The following DNAJC10 variants were observed in gnomAD, a reference collection of about 807,000 sequenced individuals.
DNAJC10 encodes DnaJ heat shock protein family (Hsp40) member C10, also known as endoplasmic reticulum disulfide reductase DNAJC10.
A neutral mutation model predicts 115.0 loss-of-function variants in DNAJC10; 101 were observed. That is an observed-to-expected ratio of 0.88 (90% CI 0.75 to 1.04). DNAJC10 has a LOEUF of 1.04. Ranked by LOEUF, DNAJC10 falls within the 50% of genes least tolerant of loss-of-function variation. DNAJC10 has a pLI of 0.00. For synonymous variants in DNAJC10, 307 were observed against 301.5 expected, an observed-to-expected ratio of 1.02 and a Z score of -0.19; for missense variants, 981 against 928.8, an observed-to-expected ratio of 1.06 and a Z score of -0.73.
rs944382429 is a variant in DNAJC10 at position 182,781,482 on chromosome 2, A to G, written c.*4350A>G. 6 of 152,288 alleles carry G rather than the reference A, an allele frequency of 3.9e-5. No individual in the cohort carries two copies. In the East Asian group the frequency reaches 1.2e-3, roughly 29 times the overall value. 9.4% of individuals were successfully genotyped at this position (152,288 alleles called of 1,614,324 possible). On this transcript the variant is annotated 3_prime_UTR_variant, in exon 24 of 24. Coordinates refer to ENST00000264065, the MANE Select transcript of DNAJC10 (RefSeq NM_018981.4). Reference sequence around the variant, plus strand: ...ATAATCCTTTAGGTATATACCCAGTAACGGGATTGCTGGGTCAAATGGTAT... The same window carrying G: ...ATAATCCTTTAGGTATATACCCAGTGACGGGATTGCTGGGTCAAATGGTAT...
chr2:182,738,974 A>C (rs985356835), intron 11 of DNAJC10, among the ~76,000 whole-genome samples: 1 of 151,996 alleles, frequency 6.6e-6, no homozygotes, highest in African/African-American at 2.4e-5. Flanking sequence ...ACAGGTTTAT[A>C]ATGAGATTCT....
intron 17 of DNAJC10, among the ~76,000 whole-genome samples, chr2:182,755,817 C>T (rs1051268388): frequency 6.6e-6 from 1 of 152,160 alleles, no homozygotes; most frequent in Non-Finnish European, 1.5e-5. Flanking sequence ...CCTCTGTAGA[C>T]ATCCAGGCAG....
chr2:182,735,330 T>C (rs950147026), intron 10 of DNAJC10, among the ~76,000 whole-genome samples: 3 of 151,990 alleles, frequency 2.0e-5, no homozygotes, highest in South Asian at 2.1e-4. Flanking sequence ...TAATCAAATA[T>C]GTTTTTTTCT....
Position 182,778,590 on chromosome 2 carries a change from AG to A in DNAJC10, c.*1459del, listed in dbSNP as rs1306733906. 1 of 150,620 alleles carries A rather than the reference AG, an allele frequency of 6.6e-6. No individual in the cohort carries two copies. The highest frequency in any genetic ancestry group is 2.5e-5 in the African/African-American group (1 of 40,814). 9.3% of individuals were successfully genotyped at this position (150,620 alleles called of 1,614,324 possible). A position where few individuals can be genotyped will look rare whatever the true frequency, so the allele number is the denominator to read the frequency against. On this transcript the variant is annotated 3_prime_UTR_variant, in exon 24 of 24. Coordinates refer to ENST00000264065, the MANE Select transcript of DNAJC10 (RefSeq NM_018981.4). The stretch of plus-strand genomic sequence containing the variant: ...TCAATATCACTTTATCCTGCTCACC[AG>A]TATTTCCTCATAAGGGTTATTATAG...
chr2:182,740,523 A>C, intron 12 of DNAJC10, 135 bp downstream of exon 12: 1 of 784,436 alleles, frequency 1.3e-6, no homozygotes. Context: ...ATTATATATT[A>C]GTCAATTGTA....
chr2:182,737,924 G>T (rs1693627928), intron 11 of DNAJC10, among the ~76,000 whole-genome samples: 1 of 152,128 alleles, frequency 6.6e-6, no homozygotes, highest in Non-Finnish European at 1.5e-5. Context: ...ATGGATGGAT[G>T]GATACAGATA....
At chr2:182,751,612 C>T in intron 14 of DNAJC10, 46 bp from the exon 15 acceptor site, 1 of 1,595,098 alleles carries the variant, frequency 6.3e-7, no homozygotes, top group South Asian at 1.1e-5. Context: ...TCTGTGCATA[C>T]AAAAAGCAGA....
At chr2:182,757,398 C>A (rs904168594) in intron 18 of DNAJC10, among the ~76,000 whole-genome samples, 14 of 152,248 alleles carry the variant, frequency 9.2e-5, no homozygotes, top group African/African-American at 3.4e-4. Flanking sequence ...CAAAGACTTT[C>A]ATTAGTTTCT....
chr2:182,789,914 T>TA lies in DNAJC10; in HGVS notation c.*12785dup, dbSNP rs1695019585. On this transcript the variant is annotated 3_prime_UTR_variant, in exon 24 of 24. Transcript: ENST00000264065. Reference sequence around the variant, plus strand: ...TTTTGATTTGTACTTTTAGAGTCTTTAAATTATTACTTTTTCCATATCAAA... The same window carrying TA: ...TTTTGATTTGTACTTTTAGAGTCTTTAAAATTATTACTTTTTCCATATCAAA... The TA allele has an allele frequency of 1.3e-5, 2 of 152,216 alleles. No homozygotes were observed. Among genetic ancestry groups the TA allele is most frequent in the Non-Finnish European group, 2.9e-5 (2 of 68,034 alleles). The allele number at this position is 152,216 out of a possible 1,614,324, so 9.4% of individuals were successfully genotyped here.
At chr2:182,752,608 G>T in intron 16 of DNAJC10, 1 of 920,722 alleles carries the variant, frequency 1.1e-6, no homozygotes, top group Non-Finnish European at 1.3e-6. Flanking sequence ...TTGTTTAAAT[G>T]AAATTATTTT....
In DNAJC10 at chr2:182,778,625, A is replaced by C. The variant is rs1694770752; in HGVS notation, c.*1493A>C. 6.6e-6 allele frequency: 1 copy of C among 152,176 alleles called. No individual in the cohort carries two copies. The highest frequency in any genetic ancestry group is 1.5e-5 in the Non-Finnish European group (1 of 68,034). The allele number at this position is 152,176 out of a possible 1,614,324, so 9.4% of individuals were successfully genotyped here. Reference sequence around the variant, plus strand: ...CATAAGGGTTATTATAGCCATAATTAATGTTAAAATAGACTTTGTTCTTCA... The same window carrying C: ...CATAAGGGTTATTATAGCCATAATTCATGTTAAAATAGACTTTGTTCTTCA... On this transcript the variant is annotated 3_prime_UTR_variant, in exon 24 of 24. Transcript: ENST00000264065.
chr2:182,754,214 T>A (rs201325719), intron 16 of DNAJC10, among the ~76,000 whole-genome samples: 2 of 152,226 alleles, frequency 1.3e-5, no homozygotes, highest in Non-Finnish European at 1.5e-5. Context: ...AGTGAATTAT[T>A]TGAATTTGCA....
chr2:182,784,517 A>G lies in DNAJC10; in HGVS notation c.*7385A>G, dbSNP rs959441088. 2.6e-5 allele frequency: 4 copies of G among 152,172 alleles called. No homozygotes were observed. Among genetic ancestry groups the G allele is most frequent in the Admixed American group, 6.5e-5 (1 of 15,290 alleles). 9.4% of individuals were successfully genotyped at this position (152,172 alleles called of 1,614,324 possible). On this transcript the variant is annotated 3_prime_UTR_variant, in exon 24 of 24. Coordinates refer to ENST00000264065, the MANE Select transcript of DNAJC10 (RefSeq NM_018981.4). Reference sequence around the variant, plus strand: ...AGCACAGTGTGTATTTCAATTGACAAACAGCCAGAAGTATTATACTGTTGA... The same window carrying G: ...AGCACAGTGTGTATTTCAATTGACAGACAGCCAGAAGTATTATACTGTTGA...
chr2:182,719,456 T>C (rs1364380618), intron 3 of DNAJC10, among the ~76,000 whole-genome samples: 2 of 151,932 alleles, frequency 1.3e-5, no homozygotes, highest in Non-Finnish European at 2.9e-5. Flanking sequence ...GGCTTCACCA[T>C]GTTGGCCAGG....
At chr2:182,751,364 G>C (rs1463907535) in intron 14 of DNAJC10, among the ~76,000 whole-genome samples, 2 of 151,966 alleles carry the variant, frequency 1.3e-5, no homozygotes, top group African/African-American at 2.4e-5. Flanking sequence ...TCGATCTCTT[G>C]ACCTCGTGAT....
chr2:182,788,918 A>G lies in DNAJC10; in HGVS notation c.*11786A>G, dbSNP rs530837580. The G allele has an allele frequency of 4.7e-6, 2 of 425,010 alleles. No individual in the cohort carries two copies. Among genetic ancestry groups the G allele is most frequent in the African/African-American group, 4.2e-5 (2 of 48,192 alleles). The allele number at this position is 425,010 out of a possible 1,614,324, so 26.3% of individuals were successfully genotyped here. Reference sequence around the variant, plus strand: ...CTTTTAGAGTTTTTTAAATTGTGATAAAGTACATGTAACAAAATTTATTAA... The same window carrying G: ...CTTTTAGAGTTTTTTAAATTGTGATGAAGTACATGTAACAAAATTTATTAA... On this transcript the variant is annotated 3_prime_UTR_variant, in exon 24 of 24. Transcript: ENST00000264065.
In DNAJC10 at chr2:182,786,412, G is replaced by C. The variant is rs1694947860; in HGVS notation, c.*9280G>C. On this transcript the variant is annotated 3_prime_UTR_variant, in exon 24 of 24. Coordinates refer to ENST00000264065, the MANE Select transcript of DNAJC10 (RefSeq NM_018981.4). ...CAATATACTGGAAAATTGTAATCCT[G>C]TTCCCTTCACTGAGGTCATAATACT... 1 of 152,100 alleles carries C rather than the reference G, an allele frequency of 6.6e-6. No individual in the cohort carries two copies. The highest frequency in any genetic ancestry group is 2.4e-5 in the African/African-American group (1 of 41,418). The allele number at this position is 152,100 out of a possible 1,614,324, so 9.4% of individuals were successfully genotyped here.
intron 10 of DNAJC10, among the ~76,000 whole-genome samples, chr2:182,733,294 T>C (rs1179745840): frequency 6.6e-6 from 1 of 151,998 alleles, no homozygotes; most frequent in African/African-American, 2.4e-5. Context: ...TGGATTTGTT[T>C]ACACAAATTC....
rs979331472 is a variant in DNAJC10, at chr2:182,790,731, G to C, written c.*13599G>C. The C allele has an allele frequency of 1.3e-4, 19 of 150,980 alleles. No individual in the cohort carries two copies. The highest frequency in any genetic ancestry group is 4.4e-4 in the African/African-American group (18 of 41,000). The allele number at this position is 150,980 out of a possible 1,614,324, so 9.4% of individuals were successfully genotyped here. A position where few individuals can be genotyped will look rare whatever the true frequency, so the allele number is the denominator to read the frequency against. Reference sequence around the variant, plus strand: ...TTGAACCCGGGAGGCAGAGGTTACAGTGAGCTGAGGTCACGTCACTGTACT... The same window carrying C: ...TTGAACCCGGGAGGCAGAGGTTACACTGAGCTGAGGTCACGTCACTGTACT... On this transcript the variant is annotated 3_prime_UTR_variant, in exon 24 of 24. Transcript: ENST00000264065.
Sources: allele counts gnomAD v4.1 joint callset (sites outside exome capture counted in the v4.1 genomes callset), GRCh38; gene constraint gnomAD v4.1.1; transcripts MANE v1.5; gene names NCBI Gene and HGNC (gene_info 2026-07-23, HGNC 2026-07-21).